The following SNRNP200 variants were observed in gnomAD, a reference collection of about 807,000 sequenced individuals.
The protein encoded by SNRNP200 is U5 small nuclear ribonucleoprotein 200 kDa helicase.
SNRNP200 carries 66 observed loss-of-function variants against 255.2 expected under a neutral mutation model. The ratio of observed to expected loss-of-function variants is 0.26; its 90% CI spans 0.21 to 0.32. The LOEUF (loss-of-function observed/expected upper bound fraction) is 0.32, where lower values mean the gene tolerates loss of function less well. Among genes scored for constraint, SNRNP200 ranks in the 10% least tolerant of loss-of-function variants. The probability of loss-of-function intolerance (pLI) is 1.00; values close to 1 mark genes in which losing one functional copy is unlikely to be tolerated. For missense variants in SNRNP200, 1,585 were observed against 2,749.8 expected, an observed-to-expected ratio of 0.58 and a Z score of 9.47; for synonymous variants, 939 against 1,027.8, an observed-to-expected ratio of 0.91 and a Z score of 1.65.
At position 96,291,612 on chromosome 2, in the gene SNRNP200, T is replaced by C. The variant is rs531828741; in HGVS notation, c.2311-110A>G. 1.6e-5 allele frequency: 20 copies of C among 1,253,692 alleles called. No individual in the cohort carries two copies. The East Asian group carries it at 4.2e-4, about 26-fold the overall frequency. The allele number at this position is 1,253,692 out of a possible 1,614,324, so 77.7% of individuals were successfully genotyped here. ...GCCCCTTAACTATTATGTGGAATAG[T>C]AATAATCACATCCAGACAATCAACC... On this transcript the variant is annotated intron_variant, in intron 17 of 44. Transcript: ENST00000323853. This position sits in a 1 kb window ranked among gnomAD's most constrained non-coding sequence, Gnocchi z 4.2.
chr2:96,297,737 T>C lies in SNRNP200; in HGVS notation c.1120-17A>G. The C allele has an allele frequency of 6.2e-7, 1 of 1,613,866 alleles. No individual in the cohort carries two copies. The highest frequency in any genetic ancestry group is 1.1e-5 in the South Asian group (1 of 91,076). On this transcript the variant is annotated splice_polypyrimidine_tract_variant and intron_variant, in intron 9 of 44. Coordinates refer to ENST00000323853, the MANE Select transcript of SNRNP200 (RefSeq NM_014014.5). ...CCTTTCCTCCTGTAGTGGACAAAGA[T>C]AAAAATCACAAAAACAATTCATCAG...
In SNRNP200 at chr2:96,290,719, G is replaced by C. The variant is rs1474707300; in HGVS notation, c.2518C>G (p.Arg840Gly). The change falls in exon 19 of 45, where the codon CGT becomes GGT. Residue 840 changes from arginine to glycine, a missense_variant. Around this residue, in one of 9 missense-constraint regions of SNRNP200, gnomAD observed 140 missense variants for 274.9 expected, o/e 0.51. Transcript: ENST00000323853. The surrounding 1 kb of genome is among the most constrained non-coding windows in gnomAD (Gnocchi z 4.5). The stretch of plus-strand genomic sequence containing the variant: ...TCCAGTGCTCCCAGTTCTGTCCAAC[G>C]CCCCTTCTCTGGACTGTACACCTGG... ...GTQVYSPEKG[R>G]WTELGALDIL... 6.2e-7 allele frequency: 1 copy of C among 1,614,150 alleles called. No individual in the cohort carries two copies.
chr2:96,303,197 C>T lies in SNRNP200; in HGVS notation c.343G>A (p.Val115Met), dbSNP rs1473759538. Residue 115 changes from valine (V) to methionine (M), a missense_variant, in exon 3 of 45, where the codon GTG becomes ATG. Transcript: ENST00000323853. ...KTKETRETYE[V>M]LLSFIQAALG... ...GCAGCCTGGATGAAGCTGAGTAGCA[C>T]CTCATAGGTCTCCCGAGTCTCTTTA... 1.2e-6 allele frequency: 2 copies of T among 1,614,192 alleles called. No homozygotes were observed. Among genetic ancestry groups the T allele is most frequent in the Non-Finnish European group, 1.7e-6 (2 of 1,180,040 alleles).
intron 7 of SNRNP200, 44 bp downstream of exon 7, chr2:96,298,771 G>A (rs372102624): frequency 1.2e-6 from 2 of 1,613,714 alleles, no homozygotes; most frequent in Non-Finnish European, 1.7e-6. Flanking sequence ...GTCCCCATGT[G>A]CTAAGATACA....
intron 21 of SNRNP200, 113 bp from the exon 22 acceptor site, chr2:96,289,492 A>G: frequency 9.1e-7 from 1 of 1,102,316 alleles, no homozygotes; most frequent in Non-Finnish European, 1.4e-6. Context: ...TTGGTAAAGT[A>G]TATGACCCAA....
Position 96,283,279 on chromosome 2 carries a change from G to C in SNRNP200, c.4837C>G (p.Leu1613Val), listed in dbSNP as rs2063817359. The C allele has an allele frequency of 6.2e-7, 1 of 1,614,002 alleles. No homozygotes were observed. The highest frequency in any genetic ancestry group is 1.7e-5 in the Admixed American group (1 of 60,002). ...TGCAGGTAGCCCACCCCATTTAGCA[G>C]CGTTTCCTTGAGCGTGCTGTCACTT... is the stretch of plus-strand genomic sequence containing the variant. Reference protein sequence around the residue: ...KLSDSTLKETLLNGVGYLHEG... With the variant: ...KLSDSTLKETVLNGVGYLHEG... Residue 1613 changes from leucine to valine, a missense_variant, in exon 34 of 45, where the codon CTG becomes GTG. Around this residue, in one of 9 missense-constraint regions of SNRNP200, gnomAD observed 719 missense variants for 1,091.1 expected, o/e 0.66. Coordinates refer to ENST00000323853, the MANE Select transcript of SNRNP200 (RefSeq NM_014014.5). The surrounding 1 kb of genome is among the most constrained non-coding windows in gnomAD (Gnocchi z 4.7).
Position 96,274,679 on chromosome 2 carries a change from C to T in SNRNP200, c.*333G>A, listed in dbSNP as rs886056455. The T allele has an allele frequency of 3.8e-5, 14 of 371,836 alleles. No homozygotes were observed. In the East Asian group the frequency reaches 9.3e-4, roughly 25 times the overall value. 23.0% of individuals were successfully genotyped at this position (371,836 alleles called of 1,614,324 possible). A position where few individuals can be genotyped will look rare whatever the true frequency, so the allele number is the denominator to read the frequency against. ...AAATAACCAGATCTTTTTGGCCGTG[C>T]CCTCAGGTTGGAGAAAGAAAACTTT... On this transcript the variant is annotated 3_prime_UTR_variant, in exon 45 of 45. Coordinates refer to ENST00000323853, the MANE Select transcript of SNRNP200 (RefSeq NM_014014.5).
At position 96,295,361 on chromosome 2, in the gene SNRNP200, T is replaced by TG. The variant is rs1476325899; in HGVS notation, c.1842+126dup. The TG allele has an allele frequency of 4.1e-6, 6 of 1,469,702 alleles. No individual in the cohort carries two copies. In the East Asian group the frequency reaches 1.4e-4, roughly 33 times the overall value. 91.0% of individuals were successfully genotyped at this position (1,469,702 alleles called of 1,614,324 possible). ...GAAGATGGATCTCATCCTACGGAAT[T>TG]GGAGGACTAGTCATTACAAAGGCTA... On this transcript the variant is annotated intron_variant, in intron 14 of 44. Coordinates refer to ENST00000323853, the MANE Select transcript of SNRNP200 (RefSeq NM_014014.5).
chr2:96,284,519 C>T lies in SNRNP200; in HGVS notation c.4231G>A (p.Glu1411Lys), dbSNP rs185671719. ...LNKKVVLLTGETSTDLKLLGK... is the reference protein window; with the variant it reads ...LNKKVVLLTGKTSTDLKLLGK... ...AGCAGCTTCAGGTCTGTGCTGGTCT[C>T]GCCTGTCAGGAGTACCACCTTCTTG... is the stretch of plus-strand genomic sequence containing the variant. Residue 1411 changes from glutamate (E) to lysine (K), a missense_variant, in exon 31 of 45, where the codon GAG (glutamate) becomes AAG (lysine). By Grantham distance (56) the Glu-to-Lys change is moderately conservative. Around this residue, in one of 9 missense-constraint regions of SNRNP200, gnomAD observed 719 missense variants for 1,091.1 expected, o/e 0.66. Coordinates refer to ENST00000323853, the MANE Select transcript of SNRNP200 (RefSeq NM_014014.5). 2.5e-6 allele frequency: 4 copies of T among 1,614,138 alleles called. No homozygotes were observed. The highest frequency in any genetic ancestry group is 3.3e-5 in the Admixed American group (2 of 60,024).
In SNRNP200 at chr2:96,274,552, T is replaced by C; in HGVS notation, c.*460A>G. 3.8e-6 allele frequency: 1 copy of C among 260,338 alleles called. No homozygotes were observed. Among genetic ancestry groups the C allele is most frequent in the South Asian group, 4.4e-5 (1 of 22,560 alleles). The allele number at this position is 260,338 out of a possible 1,614,324, so 16.1% of individuals were successfully genotyped here. Reference sequence around the variant, plus strand: ...ACTGAGGCCAGGCCACAGTCGCATGTACCCTCCTCTGGGCTGACTCACGAG... The same window carrying C: ...ACTGAGGCCAGGCCACAGTCGCATGCACCCTCCTCTGGGCTGACTCACGAG... On this transcript the variant is annotated 3_prime_UTR_variant, in exon 45 of 45. Transcript: ENST00000323853.
Position 96,297,414 on chromosome 2 carries a change from A to G in SNRNP200, c.1326T>C (p.Tyr442=), listed in dbSNP as rs753327694. 40 of 1,614,084 alleles carry G rather than the reference A, an allele frequency of 2.5e-5. No homozygotes were observed. Among genetic ancestry groups the G allele is most frequent in the Non-Finnish European group, 1.6e-5 (19 of 1,180,048 alleles). Residue 442 remains tyrosine, a synonymous_variant, in exon 11 of 45, where the codon TAT becomes TAC. Coordinates refer to ENST00000323853, the MANE Select transcript of SNRNP200 (RefSeq NM_014014.5). The part of the protein sequence containing the change: ...DGSFRRQRKG[Y]EEVHVPALKP... ...TCAGAGCAGGCACATGCACCTCTTCATAGCCCTTACGCTGGCGACGGAAGG... is the reference window on the plus strand; with the variant it reads ...TCAGAGCAGGCACATGCACCTCTTCGTAGCCCTTACGCTGGCGACGGAAGG...
chr2:96,303,888 C>CAA (rs757964935), intron 2 of SNRNP200, among the ~76,000 whole-genome samples: 9 of 57,560 alleles, frequency 1.6e-4, no homozygotes, highest in Admixed American at 4.0e-4. Context: ...GATTCCGTCT[C>CAA]AAAAAAAAAA....
chr2:96,287,346 A>G lies in SNRNP200; in HGVS notation c.3484+93T>C. 1 of 1,169,884 alleles carries G rather than the reference A, an allele frequency of 8.5e-7. No homozygotes were observed. The highest frequency in any genetic ancestry group is 1.3e-6 in the Non-Finnish European group (1 of 774,946). The allele number at this position is 1,169,884 out of a possible 1,614,324, so 72.5% of individuals were successfully genotyped here. ...GGGACTTGGGGAGTGAACACAGGATACTAATGCACAGGCCTAGGAACAGGA... is the reference window on the plus strand; with the variant it reads ...GGGACTTGGGGAGTGAACACAGGATGCTAATGCACAGGCCTAGGAACAGGA... On this transcript the variant is annotated intron_variant, in intron 26 of 44. Coordinates refer to ENST00000323853, the MANE Select transcript of SNRNP200 (RefSeq NM_014014.5). This position sits in a 1 kb window ranked among gnomAD's most constrained non-coding sequence, Gnocchi z 5.7.
chr2:96,291,366 C>T lies in SNRNP200; in HGVS notation c.2421+26G>A. On this transcript the variant is annotated intron_variant, in intron 18 of 44. Coordinates refer to ENST00000323853, the MANE Select transcript of SNRNP200 (RefSeq NM_014014.5). The surrounding 1 kb of genome is among the most constrained non-coding windows in gnomAD (Gnocchi z 4.2). ...TCTTCTGAAGTATGTCCCACCTGCTCCTCCAAACGCTTTGCACCCCCTCAC... is the reference window on the plus strand; with the variant it reads ...TCTTCTGAAGTATGTCCCACCTGCTTCTCCAAACGCTTTGCACCCCCTCAC... 7.9e-7 allele frequency: 1 copy of T among 1,273,764 alleles called. No individual in the cohort carries two copies. Among genetic ancestry groups the T allele is most frequent in the South Asian group, 1.2e-5 (1 of 84,252 alleles). The allele number at this position is 1,273,764 out of a possible 1,614,324, so 78.9% of individuals were successfully genotyped here.
At chr2:96,299,519 G>T in intron 5 of SNRNP200, 92 bp from the exon 6 acceptor site, 1 of 1,071,668 alleles carries the variant, frequency 9.3e-7, no homozygotes, top group East Asian at 2.4e-5. Flanking sequence ...TTAGCTCAAT[G>T]GGTAGAGAAA....
intron 23 of SNRNP200, 132 bp downstream of exon 23, chr2:96,288,905 G>A (rs967786724): frequency 4.6e-5 from 48 of 1,051,160 alleles, no homozygotes; most frequent in Admixed American, 4.2e-4. Context: ...AAGAACATGC[G>A]AGAAGGCTGC....
chr2:96,276,824 G>A, intron 43 of SNRNP200, 80 bp downstream of exon 43: 1 of 1,274,958 alleles, frequency 7.8e-7, no homozygotes, highest in East Asian at 2.3e-5. Flanking sequence ...CTCCCTCAGG[G>A]ACAGTGTGCC....
In SNRNP200 at chr2:96,287,727, C is replaced by A; in HGVS notation, c.3365+136G>T. The A allele has an allele frequency of 2.1e-6, 2 of 931,130 alleles. No individual in the cohort carries two copies. The highest frequency in any genetic ancestry group is 1.8e-6 in the Non-Finnish European group (1 of 560,406). The allele number at this position is 931,130 out of a possible 1,614,324, so 57.7% of individuals were successfully genotyped here. On this transcript the variant is annotated intron_variant, in intron 25 of 44. Coordinates refer to ENST00000323853, the MANE Select transcript of SNRNP200 (RefSeq NM_014014.5). The surrounding 1 kb of genome is among the most constrained non-coding windows in gnomAD (Gnocchi z 5.7). The stretch of plus-strand genomic sequence containing the variant: ...CACCACAGAGGGCCTTCCCTCTTCT[C>A]AATGTGCACCAAGGTTCAGGTCATA...
At chr2:96,296,804 C>T in intron 12 of SNRNP200, 113 bp from the exon 13 acceptor site, 1 of 1,545,892 alleles carries the variant, frequency 6.5e-7, no homozygotes, top group Non-Finnish European at 8.9e-7. Flanking sequence ...GGCACTTTAT[C>T]CTACTATTTA....
Sources: gnomAD v4.1 joint callset for allele counts (sites outside exome capture counted in the v4.1 genomes callset) on GRCh38, gnomAD v4.1.1 for gene constraint, gnomAD v4.1.1 regional missense constraint, Gnocchi (gnomAD v3.1) non-coding constraint, MANE v1.5 for transcripts, NCBI Gene and HGNC (gene_info 2026-07-23, HGNC 2026-07-21) for gene names.